Variants in HDAC4 observed in about 807,000 individuals in gnomAD.
HDAC4 encodes histone deacetylase A.
HDAC4 carries 16 observed loss-of-function variants against 135.1 expected under a neutral mutation model. That is an observed-to-expected ratio of 0.12 (90% CI 0.08 to 0.18). The LOEUF (loss-of-function observed/expected upper bound fraction) is 0.18, where lower values mean the gene tolerates loss of function less well. HDAC4 is among the 10% of genes least tolerant of loss of function. The probability of loss-of-function intolerance (pLI) is 1.00; values close to 1 mark genes in which losing one functional copy is unlikely to be tolerated. For missense variants in HDAC4, 1,143 were observed against 1,511.8 expected (o/e 0.76, Z 4.05); for synonymous variants, 685 against 653.4 (o/e 1.05, Z -0.74).
At chr2:239,063,540 C>T (rs951294589) in intron 24 of HDAC4, among the ~76,000 whole-genome samples, 1 of 152,152 alleles carries the variant, frequency 6.6e-6, no homozygotes, top group Non-Finnish European at 1.5e-5. Context: ...CAGCTGTCGG[C>T]GGAGGTGTGC....
At chr2:239,184,043 C>A (rs1019927487) in intron 4 of HDAC4, among the ~76,000 whole-genome samples, 2 of 116,786 alleles carry the variant, frequency 1.7e-5, no homozygotes, top group Non-Finnish European at 3.3e-5. Flanking sequence ...CACAAGCACA[C>A]GAAAAAGAGG....
chr2:239,126,745 G>C, intron 11 of HDAC4, 51 bp from the exon 12 acceptor site: 1 of 1,567,508 alleles, frequency 6.4e-7, no homozygotes, highest in Admixed American at 1.7e-5. Context: ...AAGAAGAGAG[G>C]AGGGAGAGAG....
chr2:239,053,161 A>G, intron 26 of HDAC4, 25 bp from the exon 27 acceptor site: 1 of 1,613,834 alleles, frequency 6.2e-7, no homozygotes, highest in Non-Finnish European at 8.5e-7. Context: ...AGAGAAGGAG[A>G]TGGGGGCGTG....
chr2:239,149,978 T>C (rs578182553), intron 7 of HDAC4, among the ~76,000 whole-genome samples: 1 of 152,302 alleles, frequency 6.6e-6, no homozygotes, highest in East Asian at 1.9e-4. Context: ...ACAGAAATAC[T>C]AACACAGTGA....
At chr2:239,277,359 T>A (rs1261341922) in intron 2 of HDAC4, among the ~76,000 whole-genome samples, 1 of 152,106 alleles carries the variant, frequency 6.6e-6, no homozygotes, top group Non-Finnish European at 1.5e-5. Flanking sequence ...ACCAAGCTCA[T>A]TACCAGAAGG....
chr2:239,071,263 CA>C (rs2034173239), intron 22 of HDAC4, among the ~76,000 whole-genome samples: 1 of 152,020 alleles, frequency 6.6e-6, no homozygotes, highest in Admixed American at 6.6e-5. Flanking sequence ...ACTAAAAATA[CA>C]AAAATCCGGG....
At chr2:239,391,793 G>A (rs1696234034) in intron 1 of HDAC4, among the ~76,000 whole-genome samples, 1 of 152,222 alleles carries the variant, frequency 6.6e-6, no homozygotes, top group African/African-American at 2.4e-5. Flanking sequence ...AGAGCACCGA[G>A]GAACCAGGAG....
At chr2:239,105,179 A>C (rs2038010234) in intron 15 of HDAC4, among the ~76,000 whole-genome samples, 1 of 152,202 alleles carries the variant, frequency 6.6e-6, no homozygotes, top group African/African-American at 2.4e-5. Context: ...ATAAGACAGA[A>C]GGAGTCTTTG....
At chr2:239,182,038 C>A (rs2044184928) in intron 4 of HDAC4, among the ~76,000 whole-genome samples, 1 of 152,188 alleles carries the variant, frequency 6.6e-6, no homozygotes. Flanking sequence ...AGTCCCTCTA[C>A]CAGGACAAAC....
intron 3 of HDAC4, among the ~76,000 whole-genome samples, chr2:239,227,479 G>A (rs1342782215): frequency 6.6e-6 from 1 of 152,174 alleles, no homozygotes; most frequent in African/African-American, 2.4e-5. Context: ...TGCCCCTGCA[G>A]GTCCCGCCAG....
chr2:239,345,950 AAC>A (rs1457161414), intron 2 of HDAC4, among the ~76,000 whole-genome samples: 2 of 148,774 alleles, frequency 1.3e-5, no homozygotes, highest in African/African-American at 5.0e-5. Context: ...CACACATCCT[AAC>A]ACACATACAC....
At chr2:239,322,478 C>CACTT (rs1426000777) in intron 2 of HDAC4, among the ~76,000 whole-genome samples, 1 of 152,212 alleles carries the variant, frequency 6.6e-6, no homozygotes, top group Non-Finnish European at 1.5e-5. Flanking sequence ...ATGTAGAAAA[C>CACTT]ACTTAGCAAA....
In HDAC4 at chr2:239,176,577, G is replaced by C; in HGVS notation, c.340-14C>G. 1.2e-6 allele frequency: 2 copies of C among 1,611,416 alleles called. No individual in the cohort carries two copies. The highest frequency in any genetic ancestry group is 1.7e-6 in the Non-Finnish European group (2 of 1,179,578). On this transcript the variant is annotated splice_polypyrimidine_tract_variant and intron_variant, in intron 4 of 26. Coordinates refer to ENST00000543185, the MANE Select transcript of HDAC4 (RefSeq NM_001378414.1). ...CTCCTGTTGTTGCTGCAAGTGGAAG[G>C]AGGAGACAGACGGTCAGAGCCCAGG...
chr2:239,346,778 CACAT>C (rs1692715588), intron 2 of HDAC4, among the ~76,000 whole-genome samples: 1 of 137,812 alleles, frequency 7.3e-6, no homozygotes, highest in Non-Finnish European at 1.6e-5. Flanking sequence ...CACACCCTAA[CACAT>C]ACACCGTCTC....
intron 1 of HDAC4, among the ~76,000 whole-genome samples, chr2:239,375,446 A>G (rs1694938010): frequency 6.6e-6 from 1 of 152,056 alleles, no homozygotes; most frequent in Non-Finnish European, 1.5e-5. Flanking sequence ...CCCCACCGTG[A>G]GGATGTGTGA....
chr2:239,390,150 A>C (rs1433102046), intron 1 of HDAC4, among the ~76,000 whole-genome samples: 3 of 152,082 alleles, frequency 2.0e-5, no homozygotes, highest in Non-Finnish European at 4.4e-5. Flanking sequence ...TTTCTAGGAA[A>C]ACAAGCCAAA....
At chr2:239,335,353 T>C (rs1169327222) in intron 2 of HDAC4, among the ~76,000 whole-genome samples, 1 of 150,516 alleles carries the variant, frequency 6.6e-6, no homozygotes, top group Admixed American at 6.6e-5. Flanking sequence ...TCTCAATCCC[T>C]ACCTCACACA....
chr2:239,212,583 G>GC (rs979753866), intron 3 of HDAC4, among the ~76,000 whole-genome samples: 1 of 152,092 alleles, frequency 6.6e-6, no homozygotes, highest in East Asian at 1.9e-4. Context: ...CATCCCTTCT[G>GC]CCCCCCATAC....
intron 2 of HDAC4, among the ~76,000 whole-genome samples, chr2:239,319,631 C>A (rs560737716): frequency 2.0e-5 from 3 of 152,334 alleles, no homozygotes; most frequent in African/African-American, 7.2e-5. Context: ...AGAAAACACA[C>A]AAAAGAATGT....
Sources: gnomAD v4.1 joint callset for allele counts (sites outside exome capture counted in the v4.1 genomes callset) on GRCh38, gnomAD v4.1.1 for gene constraint, MANE v1.5 for transcripts, NCBI Gene and HGNC (gene_info 2026-07-23, HGNC 2026-07-21) for gene names.